The following ELP2 variants were observed in gnomAD, a reference collection of about 807,000 sequenced individuals.
ELP2 encodes elongator complex protein 2.
A neutral mutation model predicts 119.2 loss-of-function variants in ELP2; 90 were observed. The observed-to-expected ratio is 0.75, with a 90% CI of 0.64 to 0.90. The LOEUF is 0.90. Ranked by LOEUF, ELP2 falls within the 40% of genes least tolerant of loss-of-function variation. The probability of loss-of-function intolerance (pLI) is 0.00; values close to 1 mark genes in which losing one functional copy is unlikely to be tolerated. For missense variants in ELP2, 921 were observed against 967.8 expected (o/e 0.95, Z 0.64); for synonymous variants, 339 against 331.0 (o/e 1.02, Z -0.26).
In ELP2 at chr18:36,180,331, G is replaced by A. The variant is rs1199718750; in HGVS notation, c.*5690G>A. 6.6e-6 allele frequency: 1 copy of A among 152,212 alleles called. No homozygotes were observed. Among genetic ancestry groups the A allele is most frequent in the Non-Finnish European group, 1.5e-5 (1 of 68,040 alleles). 9.4% of individuals were successfully genotyped at this position (152,212 alleles called of 1,614,324 possible). A position where few individuals can be genotyped will look rare whatever the true frequency, so the allele number is the denominator to read the frequency against. ...CCATACCGAGCTTCAGGAGAAGCTG[G>A]GAAATTAAATCTTTATTGCAGATGC... On this transcript the variant is annotated 3_prime_UTR_variant, in exon 22 of 22. Coordinates refer to ENST00000358232, the MANE Select transcript of ELP2 (RefSeq NM_018255.4).
intron 8 of ELP2, among the ~76,000 whole-genome samples, chr18:36,143,322 A>G (rs2090096532): frequency 6.6e-6 from 1 of 151,432 alleles, no homozygotes; most frequent in Admixed American, 6.6e-5. Context: ...GGGTTTCACC[A>G]TGTTAGCCAG....
intron 2 of ELP2, 128 bp from the exon 3 acceptor site, chr18:36,136,179 C>CCT (rs2089816885): frequency 7.1e-6 from 5 of 706,096 alleles, no homozygotes; most frequent in African/African-American, 5.4e-5. Context: ...GCAAATATGG[C>CCT]AAAATGTTAC....
Position 36,167,126 on chromosome 18 carries a change from C to T in ELP2, c.1980C>T (p.Phe660=), listed in dbSNP as rs770892203. The T allele has an allele frequency of 1.3e-6, 2 of 1,599,286 alleles. No homozygotes were observed. The highest frequency in any genetic ancestry group is 4.5e-5 in the East Asian group (2 of 44,418). The change falls in exon 19 of 22, where the codon TTC becomes TTT. Residue 660 remains phenylalanine (F), a synonymous_variant. Transcript: ENST00000358232. ...EFEPVFSLFA[F]TNKITSVHSR... The stretch of plus-strand genomic sequence containing the variant: ...AGCCAGTTTTTAGTCTTTTTGCCTT[C>T]ACCAACAAAATTACTTCTGTGCACA...
intron 17 of ELP2, among the ~76,000 whole-genome samples, chr18:36,163,840 A>G (rs779981274): frequency 3.3e-4 from 50 of 152,278 alleles, no homozygotes; most frequent in Middle Eastern, 3.4e-3. Context: ...GTTAGTAACG[A>G]TAGTGTTTTA....
rs1176803560 is a variant in ELP2 at position 36,177,626 on chromosome 18, A to G, written c.*2985A>G. ...TGCCAACTCAACTGTACACTCTAAAATGGTTAAGATGGTAAATCTTATCTT... is the reference window on the plus strand; with the variant it reads ...TGCCAACTCAACTGTACACTCTAAAGTGGTTAAGATGGTAAATCTTATCTT... On this transcript the variant is annotated 3_prime_UTR_variant, in exon 22 of 22. Coordinates refer to ENST00000358232, the MANE Select transcript of ELP2 (RefSeq NM_018255.4). 2.0e-5 allele frequency: 3 copies of G among 152,176 alleles called. No homozygotes were observed. Among genetic ancestry groups the G allele is most frequent in the African/African-American group, 4.8e-5 (2 of 41,450 alleles). The allele number at this position is 152,176 out of a possible 1,614,324, so 9.4% of individuals were successfully genotyped here.
At chr18:36,148,494 A>G (rs1381915454) in intron 11 of ELP2, among the ~76,000 whole-genome samples, 1 of 152,110 alleles carries the variant, frequency 6.6e-6, no homozygotes, top group Non-Finnish European at 1.5e-5. Context: ...TGAGCCAGGA[A>G]GTTTTGTCAG....
chr18:36,158,620 G>A, intron 13 of ELP2: 1 of 482,326 alleles, frequency 2.1e-6, no homozygotes, highest in Non-Finnish European at 3.8e-6. Flanking sequence ...GCCTGGTAGG[G>A]CTTGTCTGTT....
rs1332030680 is a variant in ELP2, at chr18:36,154,840, T to C, written c.1126-10T>C. ...TATTTTGATATGTGATATGAGCACT[T>C]CCATTGCAGAGAGAGTGGACTCCAG... On this transcript the variant is annotated splice_polypyrimidine_tract_variant and intron_variant, in intron 11 of 21. Coordinates refer to ENST00000358232, the MANE Select transcript of ELP2 (RefSeq NM_018255.4). 4 of 1,613,902 alleles carry C rather than the reference T, an allele frequency of 2.5e-6. No homozygotes were observed. The South Asian group carries it at 4.4e-5, about 18-fold the overall frequency.
intron 6 of ELP2, chr18:36,141,497 A>T (rs779066310): frequency 7.6e-6 from 3 of 392,540 alleles, no homozygotes; most frequent in Non-Finnish European, 1.5e-5. Context: ...ACGAGATATA[A>T]CATACCTACA....
Position 36,158,842 on chromosome 18 carries a change from G to A in ELP2, c.1472G>A (p.Ser491Asn). Residue 491 changes from serine (S) to asparagine (N), a missense_variant, in exon 14 of 22, where the codon AGT becomes AAT. Physicochemically the swap from Ser to Asn is conservative, Grantham distance 46 (BLOSUM62 1). Transcript: ENST00000358232. ...TTATATTTTCTATTCTAGCAAGATA[G>A]TGATCTTCCAGAAGGAGCCACTGTC... The part of the protein sequence containing the change: ...SLNHVLCNQD[S>N]DLPEGATVPA... The A allele has an allele frequency of 1.3e-6, 2 of 1,594,592 alleles. No individual in the cohort carries two copies. Among genetic ancestry groups the A allele is most frequent in the Non-Finnish European group, 1.7e-6 (2 of 1,162,330 alleles).
At chr18:36,161,145 C>T (rs2144753293) in intron 17 of ELP2, 141 bp downstream of exon 17, 1 of 699,120 alleles carries the variant, frequency 1.4e-6, no homozygotes, top group East Asian at 2.6e-5. Flanking sequence ...TTCTCAATTT[C>T]TCTTACCCTT....
chr18:36,147,263 C>T (rs1241954777), intron 11 of ELP2, among the ~76,000 whole-genome samples: 5 of 151,758 alleles, frequency 3.3e-5, no homozygotes, highest in South Asian at 2.1e-4. Context: ...TTTTTATAGA[C>T]ACAGGGTCTT....
intron 12 of ELP2, among the ~76,000 whole-genome samples, chr18:36,156,210 A>G (rs2090567600): frequency 6.6e-6 from 1 of 152,224 alleles, no homozygotes; most frequent in Non-Finnish European, 1.5e-5. Context: ...AACACGTGGT[A>G]GATTCAAATA....
chr18:36,143,611 G>T (rs1281793132), intron 8 of ELP2, among the ~76,000 whole-genome samples: 1 of 151,910 alleles, frequency 6.6e-6, no homozygotes, highest in Non-Finnish European at 1.5e-5. Context: ...TGTCCAGGCT[G>T]TTTTTCAACT....
chr18:36,139,432 T>G lies in ELP2; in HGVS notation c.523+560T>G, dbSNP rs540161364. 10 of 1,535,550 alleles carry G rather than the reference T, an allele frequency of 6.5e-6. No homozygotes were observed. The South Asian group carries it at 1.2e-4, about 18-fold the overall frequency. On this transcript the variant is annotated intron_variant, in intron 5 of 21. Transcript: ENST00000358232. ...TTGCCTCCACAGTTACCTGGAAGAC[T>G]GGCCAGGTGGAACGAGGCAGGGCCT...
chr18:36,143,800 G>A (rs1448879353), intron 8 of ELP2, among the ~76,000 whole-genome samples: 1 of 152,118 alleles, frequency 6.6e-6, no homozygotes, highest in Admixed American at 6.5e-5. Flanking sequence ...AATTGCTGAG[G>A]ATAATGTTTA....
intron 8 of ELP2, 85 bp from the exon 9 acceptor site, chr18:36,144,854 C>G: frequency 8.9e-7 from 1 of 1,121,604 alleles, no homozygotes; most frequent in Non-Finnish European, 1.3e-6. Context: ...TTTTTTCTTA[C>G]ATAATTGCCC....
intron 14 of ELP2, among the ~76,000 whole-genome samples, chr18:36,159,405 G>A (rs1003251016): frequency 2.0e-5 from 3 of 152,122 alleles, no homozygotes; most frequent in Non-Finnish European, 4.4e-5. Context: ...GAGCCACCAC[G>A]CCCTGCCACA....
chr18:36,137,305 T>G (rs921412595), intron 3 of ELP2: 1 of 152,202 alleles, frequency 6.6e-6, no homozygotes, highest in African/African-American at 2.4e-5. Flanking sequence ...GCCTCCCAAG[T>G]AACTGGGACT....
Sources: gnomAD v4.1 joint callset for allele counts (sites outside exome capture counted in the v4.1 genomes callset) on GRCh38, gnomAD v4.1.1 for gene constraint, MANE v1.5 for transcripts, NCBI Gene and HGNC (gene_info 2026-07-23, HGNC 2026-07-21) for gene names.